DTNB: variants seen among roughly 807,000 people sequenced by gnomAD.
DTNB encodes DTN-B.
Under a neutral mutation model 90.7 loss-of-function variants are expected in DTNB, and 63 were observed. That is an observed-to-expected ratio of 0.69 (90% CI 0.57 to 0.86). The LOEUF (loss-of-function observed/expected upper bound fraction) is 0.86, where lower values mean the gene tolerates loss of function less well. DTNB is among the 40% of genes least tolerant of loss of function. DTNB has a pLI of 0.00. For missense variants in DTNB, 744 were observed against 807.1 expected (o/e 0.92, Z 0.95); for synonymous variants, 277 against 286.7 (o/e 0.97, Z 0.34).
chr2:25,578,767 T>C (rs2061101136), intron 7 of DTNB, among the ~76,000 whole-genome samples: 1 of 152,206 alleles, frequency 6.6e-6, no homozygotes, highest in Admixed American at 6.5e-5. Flanking sequence ...ACACTTGGAT[T>C]AGTAAATCAA....
chr2:25,633,316 G>A (rs942836733), intron 3 of DTNB, among the ~76,000 whole-genome samples: 1 of 152,156 alleles, frequency 6.6e-6, no homozygotes, highest in Non-Finnish European at 1.5e-5. Flanking sequence ...GGCGCGCGCC[G>A]CCACGCCTGA....
At chr2:25,644,297 T>C (rs1456022142) in intron 2 of DTNB, among the ~76,000 whole-genome samples, 1 of 152,120 alleles carries the variant, frequency 6.6e-6, no homozygotes, top group Non-Finnish European at 1.5e-5. Flanking sequence ...CCCTTTCCTG[T>C]AACAAACCCA....
chr2:25,531,480 G>A lies in DTNB; in HGVS notation c.994C>T (p.His332Tyr). The change falls in exon 9 of 21, where the codon CAT becomes TAT. Residue 332 changes from histidine to tyrosine, a missense_variant. Physicochemically the swap from His to Tyr is moderately conservative, Grantham distance 83. Transcript: ENST00000406818. ...EQPEKPLDLAHIVPPRPLTNM... is the reference protein window; with the variant it reads ...EQPEKPLDLAYIVPPRPLTNM... ...ATCCAGGGGTATACTTACACTATAT[G>A]TGCAAGGTCAAGTGGTTTCTCTGGT... 1 of 1,613,852 alleles carries A rather than the reference G, an allele frequency of 6.2e-7. No individual in the cohort carries two copies. Among genetic ancestry groups the A allele is most frequent in the Non-Finnish European group, 8.5e-7 (1 of 1,179,858 alleles).
intron 11 of DTNB, among the ~76,000 whole-genome samples, chr2:25,451,977 A>T (rs1224232570): frequency 6.6e-6 from 1 of 152,246 alleles, no homozygotes; most frequent in Non-Finnish European, 1.5e-5. Context: ...TTAGACCTTG[A>T]TCTCAAATTC....
At chr2:25,625,551 A>ATC (rs2073935745) in intron 4 of DTNB, among the ~76,000 whole-genome samples, 1 of 73,944 alleles carries the variant, frequency 1.4e-5, no homozygotes, top group African/African-American at 5.7e-5. Context: ...TAACTCACTC[A>ATC]TTTTTTTTTT....
At chr2:25,415,788 A>G (rs1162219958) in intron 16 of DTNB, among the ~76,000 whole-genome samples, 1 of 152,132 alleles carries the variant, frequency 6.6e-6, no homozygotes, top group Non-Finnish European at 1.5e-5. Context: ...GAGGTGGTAT[A>G]TACCCCAACT....
At chr2:25,624,182 C>G (rs1573587804) in intron 4 of DTNB, among the ~76,000 whole-genome samples, 2 of 152,218 alleles carry the variant, frequency 1.3e-5, no homozygotes. Flanking sequence ...CTGGAAGCTC[C>G]CTGTCCCTCT....
In DTNB at chr2:25,455,392, C is replaced by T. The variant is rs1233908189; in HGVS notation, c.1169+13G>A. The T allele has an allele frequency of 6.3e-7, 1 of 1,582,966 alleles. No homozygotes were observed. The highest frequency in any genetic ancestry group is 1.2e-5 in the South Asian group (1 of 86,324). ...CACCCGTGGCTACCCACTGCTGCTG[C>T]ACCACCACTGACCGTGCACAGTGCT... On this transcript the variant is annotated intron_variant, in intron 11 of 20. Coordinates refer to ENST00000406818, the MANE Select transcript of DTNB (RefSeq NM_021907.5).
chr2:25,628,072 G>C, intron 4 of DTNB, 99 bp downstream of exon 4: 1 of 1,288,042 alleles, frequency 7.8e-7, no homozygotes, highest in South Asian at 1.3e-5. Flanking sequence ...TAAGTTGCCA[G>C]CTTAGCAAGG....
chr2:25,545,189 T>C (rs1329117563), intron 8 of DTNB, among the ~76,000 whole-genome samples: 1 of 152,230 alleles, frequency 6.6e-6, no homozygotes, highest in African/African-American at 2.4e-5. Flanking sequence ...TTTAATATTT[T>C]TGATTTCTGA....
intron 3 of DTNB, 24 bp downstream of exon 3, chr2:25,638,990 C>A: frequency 6.5e-7 from 1 of 1,549,462 alleles, no homozygotes; most frequent in Non-Finnish European, 8.8e-7. Context: ...CCAGCTATCA[C>A]AGAAATGAGT....
At chr2:25,650,017 C>G (rs956714621) in intron 2 of DTNB, 1 of 985,372 alleles carries the variant, frequency 1.0e-6, no homozygotes, top group Non-Finnish European at 1.2e-6. Flanking sequence ...AGAAGTCATA[C>G]TTACCAAACG....
intron 6 of DTNB, among the ~76,000 whole-genome samples, chr2:25,592,459 A>G (rs2063754515): frequency 1.3e-5 from 2 of 152,146 alleles, no homozygotes; most frequent in South Asian, 4.1e-4. Flanking sequence ...AATTTTAGCT[A>G]TCCTAATAGA....
intron 2 of DTNB, among the ~76,000 whole-genome samples, chr2:25,641,852 G>A (rs985035757): frequency 1.3e-5 from 2 of 152,058 alleles, no homozygotes; most frequent in African/African-American, 4.8e-5. Context: ...ACGGAGTCTC[G>A]CTCTGTCACC....
intron 2 of DTNB, chr2:25,649,982 C>G: frequency 1.0e-6 from 1 of 981,366 alleles, no homozygotes; most frequent in South Asian, 4.7e-5. Context: ...TGCAATTCTT[C>G]CTGTGAAGAA....
intron 8 of DTNB, among the ~76,000 whole-genome samples, chr2:25,552,358 T>C (rs531077195): frequency 6.6e-6 from 1 of 152,334 alleles, no homozygotes; most frequent in Non-Finnish European, 1.5e-5. Flanking sequence ...GGTAGCTTCC[T>C]GTTTTCCTAG....
intron 8 of DTNB, among the ~76,000 whole-genome samples, chr2:25,538,512 C>T (rs914928531): frequency 6.6e-6 from 1 of 152,086 alleles, no homozygotes; most frequent in Non-Finnish European, 1.5e-5. Context: ...AGTGCAATGG[C>T]GTGATCTCGG....
intron 12 of DTNB, among the ~76,000 whole-genome samples, chr2:25,436,548 G>A (rs1176120630): frequency 6.6e-6 from 1 of 152,038 alleles, no homozygotes; most frequent in African/African-American, 2.4e-5. Context: ...TTTTCATGTG[G>A]CAGTTTCTAA....
intron 9 of DTNB, among the ~76,000 whole-genome samples, chr2:25,526,385 ATATATATATATTT>A (rs1264034805): frequency 1.1e-4 from 6 of 53,794 alleles, no homozygotes; most frequent in African/African-American, 6.7e-4. Flanking sequence ...ATATATATAT[ATATATATATATTT>A]TTTTTTTTTT....
Sources: gnomAD v4.1 joint callset for allele counts (sites outside exome capture counted in the v4.1 genomes callset) on GRCh38, gnomAD v4.1.1 for gene constraint, MANE v1.5 for transcripts, NCBI Gene and HGNC (gene_info 2026-07-23, HGNC 2026-07-21) for gene names.